The following TMEM30A variants were observed in gnomAD, a reference collection of about 807,000 sequenced individuals.
TMEM30A encodes the protein cell cycle control protein 50A.
In TMEM30A, 24 loss-of-function variants were observed where a neutral mutation model predicts 38.2. The observed-to-expected ratio is 0.63, with a 90% CI of 0.46 to 0.88. The LOEUF (loss-of-function observed/expected upper bound fraction) is 0.88, where lower values mean the gene tolerates loss of function less well. TMEM30A is among the 40% of genes least tolerant of loss of function. The pLI, the probability that TMEM30A is intolerant of heterozygous loss-of-function variation, is 0.00. For missense variants in TMEM30A, 370 were observed against 458.6 expected, an observed-to-expected ratio of 0.81 and a Z score of 1.77; for synonymous variants, 145 against 161.6, an observed-to-expected ratio of 0.90 and a Z score of 0.78.
chr6:75,265,838 A>C (rs1328737278), intron 2 of TMEM30A, among the ~76,000 whole-genome samples: 1 of 152,066 alleles, frequency 6.6e-6, no homozygotes, highest in Non-Finnish European at 1.5e-5. Flanking sequence ...TGTGCACTAC[A>C]GGTCTGTAGC....
chr6:75,283,961 T>A (rs1772409059), intron 1 of TMEM30A, among the ~76,000 whole-genome samples: 1 of 152,148 alleles, frequency 6.6e-6, no homozygotes, highest in African/African-American at 2.4e-5. Context: ...TTGGGATACT[T>A]CCCACAAAGG....
rs796388324 is a variant in TMEM30A at position 75,284,743 on chromosome 6, G to C, written c.-105C>G. 1 of 1,084,456 alleles carries C rather than the reference G, an allele frequency of 9.2e-7. No homozygotes were observed. Among genetic ancestry groups the C allele is most frequent in the Non-Finnish European group, 1.4e-6 (1 of 726,380 alleles). 67.2% of individuals were successfully genotyped at this position (1,084,456 alleles called of 1,614,324 possible). A position where few individuals can be genotyped will look rare whatever the true frequency, so the allele number is the denominator to read the frequency against. ...GAGCGCCGCTGCCGCCGCCGCCGCC[G>C]CAGCCACCAGCGCCACCGCCACAGC... On this transcript the variant is annotated 5_prime_UTR_variant, in exon 1 of 7. Transcript: ENST00000230461.
At chr6:75,266,154 T>C (rs1772064246) in intron 2 of TMEM30A, among the ~76,000 whole-genome samples, 1 of 152,180 alleles carries the variant, frequency 6.6e-6, no homozygotes, top group Non-Finnish European at 1.5e-5. Context: ...CATTAAGGTA[T>C]TTTCTCCTTT....
intron 1 of TMEM30A, among the ~76,000 whole-genome samples, chr6:75,274,093 A>G (rs1295917005): frequency 6.6e-6 from 1 of 152,256 alleles, no homozygotes; most frequent in Non-Finnish European, 1.5e-5. Context: ...ACTTCTGGAA[A>G]CTGAGAGAAG....
At chr6:75,269,482 A>G (rs1444279080) in intron 1 of TMEM30A, among the ~76,000 whole-genome samples, 2 of 152,142 alleles carry the variant, frequency 1.3e-5, no homozygotes, top group African/African-American at 4.8e-5. Context: ...TAGTTCATTT[A>G]TTTTTAGCAA....
intron 3 of TMEM30A, among the ~76,000 whole-genome samples, 158 bp from the exon 4 acceptor site, chr6:75,261,069 T>C (rs1376894364): frequency 1.3e-5 from 2 of 152,240 alleles, no homozygotes; most frequent in East Asian, 3.8e-4. Context: ...TAACACCACA[T>C]TTAAATATTC....
intron 6 of TMEM30A, among the ~76,000 whole-genome samples, chr6:75,258,247 C>A (rs1369574509): frequency 6.6e-6 from 1 of 152,164 alleles, no homozygotes; most frequent in East Asian, 1.9e-4. Flanking sequence ...ACAGTGTTAA[C>A]ACATAGTTAG....
At chr6:75,271,236 A>T (rs1772162744) in intron 1 of TMEM30A, among the ~76,000 whole-genome samples, 1 of 152,228 alleles carries the variant, frequency 6.6e-6, no homozygotes, top group Non-Finnish European at 1.5e-5. Context: ...AAAATCTGCA[A>T]GAGAAATCAT....
intron 1 of TMEM30A, among the ~76,000 whole-genome samples, chr6:75,278,049 C>CT (rs535268279): frequency 6.6e-6 from 1 of 151,644 alleles, no homozygotes; most frequent in East Asian, 1.9e-4. Context: ...ACTCCTATAA[C>CT]TTTTTTTTTA....
intron 1 of TMEM30A, chr6:75,284,130 T>C (rs1469704269): frequency 2.1e-6 from 1 of 477,602 alleles, no homozygotes; most frequent in African/African-American, 2.0e-5. Flanking sequence ...CCACCTGACC[T>C]ATCTTCTGCA....
intron 1 of TMEM30A, among the ~76,000 whole-genome samples, chr6:75,278,108 T>C (rs1185783778): frequency 6.6e-6 from 1 of 152,110 alleles, no homozygotes; most frequent in East Asian, 1.9e-4. Context: ...TGAAAAAACA[T>C]TAATGAGTTT....
rs749052661 is a variant in TMEM30A, at chr6:75,256,262, C to T, written c.926G>A (p.Arg309Gln). ...YPVHYFDGRK[R>Q]MILSTISWMG... is the part of the protein sequence containing the mutation. ...CCATGAAATAGTGCTCAAGATCATC[C>T]GTTTTCGTCCATCAAAATAATGTAC... Residue 309 changes from arginine to glutamine, a missense_variant, in exon 7 of 7, where the codon CGG becomes CAG. Arg to Gln is a conservative substitution (Grantham distance 43). Transcript: ENST00000230461. 7.4e-6 allele frequency: 12 copies of T among 1,613,126 alleles called. No individual in the cohort carries two copies. Among genetic ancestry groups the T allele is most frequent in the African/African-American group, 4.0e-5 (3 of 74,838 alleles).
intron 1 of TMEM30A, among the ~76,000 whole-genome samples, chr6:75,273,240 C>T (rs997667500): frequency 2.6e-5 from 4 of 152,162 alleles, no homozygotes; most frequent in South Asian, 2.1e-4. Context: ...TTAAAATGTC[C>T]GGCAGGAAAT....
intron 1 of TMEM30A, among the ~76,000 whole-genome samples, chr6:75,268,351 T>C (rs1772101971): frequency 6.6e-6 from 1 of 152,216 alleles, no homozygotes; most frequent in Non-Finnish European, 1.5e-5. Flanking sequence ...GGATAGCAGC[T>C]AGTCACCAGA....
At chr6:75,262,368 G>A (rs1357034127) in intron 3 of TMEM30A, among the ~76,000 whole-genome samples, 1 of 151,564 alleles carries the variant, frequency 6.6e-6, no homozygotes, top group African/African-American at 2.4e-5. Context: ...AAACAAGCCG[G>A]GCACAGTGGT....
At chr6:75,272,979 A>T (rs1429401993) in intron 1 of TMEM30A, 1 of 152,314 alleles carries the variant, frequency 6.6e-6, no homozygotes, top group Non-Finnish European at 1.5e-5. Context: ...AGTGGATGTG[A>T]TTAAATGAGC....
chr6:75,274,876 T>C (rs1215279561), intron 1 of TMEM30A, among the ~76,000 whole-genome samples: 1 of 151,950 alleles, frequency 6.6e-6, no homozygotes, highest in African/African-American at 2.4e-5. Context: ...CCAGGCCTGG[T>C]GGCGGGCGCC....
intron 1 of TMEM30A, chr6:75,272,472 GAA>G (rs1772189498): frequency 6.6e-6 from 1 of 152,152 alleles, no homozygotes; most frequent in African/African-American, 2.4e-5. Flanking sequence ...ACCTATTTAG[GAA>G]AGTTTTAGGT....
At chr6:75,268,861 C>A (rs1250100117) in intron 1 of TMEM30A, among the ~76,000 whole-genome samples, 1 of 152,112 alleles carries the variant, frequency 6.6e-6, no homozygotes, top group East Asian at 1.9e-4. Flanking sequence ...GGGGACCATG[C>A]CCTTGAACCT....
Sources: allele counts gnomAD v4.1 joint callset (sites outside exome capture counted in the v4.1 genomes callset), GRCh38; gene constraint gnomAD v4.1.1; transcripts MANE v1.5; gene names NCBI Gene and HGNC (gene_info 2026-07-23, HGNC 2026-07-21).